URB1: variants seen among roughly 807,000 people sequenced by gnomAD.
The protein encoded by URB1 is URB1 ribosome biogenesis factor.
A neutral mutation model predicts 242.3 loss-of-function variants in URB1; 197 were observed. The observed-to-expected ratio is 0.81, with a 90% CI of 0.72 to 0.91. The LOEUF is 0.91. Among genes scored for constraint, URB1 ranks in the 40% least tolerant of loss-of-function variants. The pLI is 0.00. For missense variants in URB1, 2,721 were observed against 2,860.5 expected (o/e 0.95, Z 1.11); for synonymous variants, 1,153 against 1,201.8 (o/e 0.96, Z 0.84).
chr21:32,337,425 C>T lies in URB1; in HGVS notation c.4600G>A (p.Gly1534Ser). 2 of 1,551,682 alleles carry T rather than the reference C, an allele frequency of 1.3e-6. No homozygotes were observed. The highest frequency in any genetic ancestry group is 1.2e-5 in the South Asian group (1 of 84,048). Residue 1534 changes from glycine (G) to serine (S), a missense_variant, in exon 27 of 39, where the codon GGC becomes AGC. Coordinates refer to ENST00000382751, the MANE Select transcript of URB1 (RefSeq NM_014825.3). ...TCACCTAGGACGCTGAGAGTGGCGC[C>T]ATAGGCCCCGAGAAGCACTGCAAAG... ...SHFAVLLGAY[G>S]ATLSVLDQKI...
chr21:32,336,454 C>A (rs1478930286), intron 28 of URB1, among the ~76,000 whole-genome samples: 1 of 152,114 alleles, frequency 6.6e-6, no homozygotes, highest in Admixed American at 6.5e-5. Flanking sequence ...GACTCTAGGG[C>A]AGCAAAGAGG....
At position 32,367,862 on chromosome 21, in the gene URB1, T is replaced by C. The variant is rs1463320885; in HGVS notation, c.1197+541A>G. 2.0e-5 allele frequency among the ~76,000 whole-genome samples: 3 copies of C among 152,332 alleles called. No homozygotes were observed. In the East Asian group the frequency reaches 5.8e-4, roughly 29 times the overall value. The stretch of plus-strand genomic sequence containing the variant: ...ACAAGATTTCACTCTAAGCAAAATC[T>C]TGATGAACAGGATAAATTGGCTCAA... On this transcript the variant is annotated intron_variant, in intron 9 of 38. Transcript: ENST00000382751.
At position 32,368,668 on chromosome 21, in the gene URB1, C is replaced by T. The variant is rs2033372869; in HGVS notation, c.1002-70G>A. On this transcript the variant is annotated intron_variant, in intron 8 of 38. Transcript: ENST00000382751. ...AAAGCACCCTGAGAGCTCATGGTGA[C>T]GTGCAGCTCTGCAGAATTGCCCTCA... The T allele has an allele frequency of 6.8e-6, 9 of 1,319,948 alleles. No individual in the cohort carries two copies. The South Asian group carries it at 7.4e-5, about 11-fold the overall frequency. The allele number at this position is 1,319,948 out of a possible 1,614,324, so 81.8% of individuals were successfully genotyped here.
chr21:32,376,418 T>C (rs541859416), intron 5 of URB1, among the ~76,000 whole-genome samples: 1 of 152,294 alleles, frequency 6.6e-6, no homozygotes, highest in South Asian at 2.1e-4. Context: ...AAATTCATTA[T>C]TTGTGAAAAA....
chr21:32,321,013 T>C (rs1303791603), intron 34 of URB1, among the ~76,000 whole-genome samples: 1 of 152,192 alleles, frequency 6.6e-6, no homozygotes, highest in Non-Finnish European at 1.5e-5. Context: ...CCACGAGCCA[T>C]GCGGCCCTGT....
intron 1 of URB1, among the ~76,000 whole-genome samples, chr21:32,389,100 A>T (rs559267284): frequency 1.2e-4 from 19 of 152,226 alleles, no homozygotes; most frequent in Non-Finnish European, 2.1e-4. Flanking sequence ...TACCTAGGGA[A>T]CATGATCTAG....
chr21:32,386,344 T>C (rs1352582045), intron 1 of URB1, among the ~76,000 whole-genome samples: 1 of 152,132 alleles, frequency 6.6e-6, no homozygotes, highest in African/African-American at 2.4e-5. Flanking sequence ...GGAAAGGCCA[T>C]GTGAGGACAC....
chr21:32,314,906 G>A lies in URB1; in HGVS notation c.*12C>T, dbSNP rs1376835748. 1 of 1,547,278 alleles carries A rather than the reference G, an allele frequency of 6.5e-7. No individual in the cohort carries two copies. Among genetic ancestry groups the A allele is most frequent in the Non-Finnish European group, 8.7e-7 (1 of 1,144,600 alleles). Reference sequence around the variant, plus strand: ...TCTGGTCATCAGGGTGCAAGGTGCTGGCCGGCAGGAGTCAAGCATCTGAGG... The same window carrying A: ...TCTGGTCATCAGGGTGCAAGGTGCTAGCCGGCAGGAGTCAAGCATCTGAGG... On this transcript the variant is annotated 3_prime_UTR_variant, in exon 39 of 39. Coordinates refer to ENST00000382751, the MANE Select transcript of URB1 (RefSeq NM_014825.3).
At chr21:32,371,255 C>A (rs1304433933) in intron 8 of URB1, among the ~76,000 whole-genome samples, 1 of 152,182 alleles carries the variant, frequency 6.6e-6, no homozygotes, top group Non-Finnish European at 1.5e-5. Context: ...CCCTTATGCA[C>A]AAACACTTGT....
At chr21:32,352,956 TCTG>T in intron 18 of URB1, 50 bp from the exon 19 acceptor site, 1 of 1,485,660 alleles carries the variant, frequency 6.7e-7, no homozygotes, top group Non-Finnish European at 9.0e-7. Context: ...GGCCCACCCT[TCTG>T]TGACCTACCA....
At chr21:32,337,693 TTTTC>T (rs1318777434) in intron 26 of URB1, among the ~76,000 whole-genome samples, 179 bp from the exon 27 acceptor site, 2 of 151,632 alleles carry the variant, frequency 1.3e-5, no homozygotes, top group African/African-American at 2.4e-5. Flanking sequence ...TATTATTTTC[TTTTC>T]TTTTTTTCTT....
At chr21:32,361,218 T>A in intron 12 of URB1, 95 bp from the exon 13 acceptor site, 3 of 389,852 alleles carry the variant, frequency 7.7e-6, no homozygotes, top group South Asian at 2.5e-5. Context: ...TAGCTTGAAT[T>A]AGAAAACATA....
rs137951249 is a variant in URB1 at position 32,342,292 on chromosome 21, T to G, written c.4258-768A>C. 9.4e-4 allele frequency among the ~76,000 whole-genome samples: 143 copies of G among 152,300 alleles called. No homozygotes were observed. In the East Asian group the frequency reaches 0.021, roughly 22 times the overall value. ...CAGGGTTGGATGACATGAAGAGGTC[T>G]GTGGAACTGGATGATCAATGCTGGC... On this transcript the variant is annotated intron_variant, in intron 24 of 38. Transcript: ENST00000382751.
intron 19 of URB1, among the ~76,000 whole-genome samples, chr21:32,352,486 G>C (rs2033168716): frequency 6.6e-6 from 1 of 152,210 alleles, no homozygotes; most frequent in East Asian, 1.9e-4. Flanking sequence ...GGAGCCAATG[G>C]GGAATTTAAT....
chr21:32,361,163 G>GAAAGAAAGAAAGAAAGAAAGAAAGAAAC, intron 12 of URB1, 40 bp from the exon 13 acceptor site: 2 of 537,350 alleles, frequency 3.7e-6, no homozygotes, highest in Non-Finnish European at 6.2e-6. Flanking sequence ...AGAGAAAAAA[G>GAAAGAAAGAAAGAAAGAAAGAAAGAAAC]AAAGAAAGAA....
rs2033068533 is a variant in URB1 at position 32,344,894 on chromosome 21, A to G, written c.4071-138T>C. 19 of 1,088,404 alleles carry G rather than the reference A, an allele frequency of 1.7e-5. No homozygotes were observed. The South Asian group carries it at 3.1e-4, about 18-fold the overall frequency. The allele number at this position is 1,088,404 out of a possible 1,614,324, so 67.4% of individuals were successfully genotyped here. Reference sequence around the variant, plus strand: ...CACACTACCCACTCACAGGAATCACAGGCTTCCCTGGACTCTTACTCAAAT... The same window carrying G: ...CACACTACCCACTCACAGGAATCACGGGCTTCCCTGGACTCTTACTCAAAT... On this transcript the variant is annotated intron_variant, in intron 23 of 38. Transcript: ENST00000382751.
chr21:32,314,629 C>T lies in URB1; in HGVS notation c.*289G>A. ...CTATTTCCTGTGATGAGCTCCAAGC[C>T]CCTAGAGAGGAAGGGGCGGCCTGAC... is the stretch of plus-strand genomic sequence containing the variant. On this transcript the variant is annotated 3_prime_UTR_variant, in exon 39 of 39. Transcript: ENST00000382751. 4.3e-6 allele frequency: 7 copies of T among 1,614,212 alleles called. No individual in the cohort carries two copies. Among genetic ancestry groups the T allele is most frequent in the Non-Finnish European group, 5.9e-6 (7 of 1,180,038 alleles).
rs778816276 is a variant in URB1, at chr21:32,335,250, CT to C, written c.4686-917del. On this transcript the variant is annotated intron_variant, in intron 28 of 38. Coordinates refer to ENST00000382751, the MANE Select transcript of URB1 (RefSeq NM_014825.3). ...AGTTTCCACTCCTGCATGCTGTTTC[CT>C]CCTCCTGCTGCCCCAGGCCCCTCTG... The C allele has an allele frequency of 2.8e-3, 429 of 153,770 alleles. 2 individuals carry two copies. Among genetic ancestry groups the C allele is most frequent in the South Asian group, 0.017 (81 of 4,852 alleles). 9.5% of individuals were successfully genotyped at this position (153,770 alleles called of 1,614,324 possible).
intron 34 of URB1, among the ~76,000 whole-genome samples, chr21:32,321,529 C>T (rs1173224622): frequency 1.3e-5 from 2 of 152,118 alleles, no homozygotes; most frequent in Non-Finnish European, 2.9e-5. Context: ...TGCCAAGGGC[C>T]GTATACACAG....
Sources: allele counts gnomAD v4.1 joint callset (sites outside exome capture counted in the v4.1 genomes callset), GRCh38; gene constraint gnomAD v4.1.1; transcripts MANE v1.5; gene names NCBI Gene and HGNC (gene_info 2026-07-23, HGNC 2026-07-21).